The following ZNF654 variants were observed in gnomAD, a reference collection of about 807,000 sequenced individuals.
ZNF654 encodes the protein zinc finger protein 654.
In ZNF654, 19 loss-of-function variants were observed where a neutral mutation model predicts 95.3. The ratio of observed to expected loss-of-function variants is 0.20; its 90% CI spans 0.14 to 0.29. The LOEUF (loss-of-function observed/expected upper bound fraction) is 0.29. Among genes scored for constraint, ZNF654 ranks in the 10% least tolerant of loss-of-function variants. ZNF654 has a pLI of 1.00. For synonymous variants in ZNF654, 413 were observed against 457.9 expected (o/e 0.90, Z 1.25); for missense variants, 1,046 against 1,341.0 (o/e 0.78, Z 3.44).
intron 3 of ZNF654, among the ~76,000 whole-genome samples, chr3:88,124,083 A>G (rs1705938564): frequency 6.6e-6 from 1 of 152,214 alleles, no homozygotes; most frequent in African/African-American, 2.4e-5. Context: ...TTTCATGCCA[A>G]GGAAACTAGA....
intron 1 of ZNF654, among the ~76,000 whole-genome samples, chr3:88,079,144 A>G (rs1279962971): frequency 6.6e-6 from 1 of 152,058 alleles, no homozygotes; most frequent in African/African-American, 2.4e-5. Context: ...ACCTAAAGTA[A>G]CTTCAGGCTA....
chr3:88,074,319 A>G lies in ZNF654; in HGVS notation c.187-11938A>G, dbSNP rs1402459407. On this transcript the variant is annotated intron_variant, in intron 1 of 8. Coordinates refer to ENST00000636215, the MANE Select transcript of ZNF654 (RefSeq NM_001350134.2). Reference sequence around the variant, plus strand: ...TAGCCCTCTAAAGGAGAATTCTTTAACTTCCAGGCTCTTTTTATATCTTAC... The same window carrying G: ...TAGCCCTCTAAAGGAGAATTCTTTAGCTTCCAGGCTCTTTTTATATCTTAC... 2.0e-5 allele frequency among the ~76,000 whole-genome samples: 3 copies of G among 147,084 alleles called. No homozygotes were observed. The East Asian group carries it at 6.0e-4, about 29-fold the overall frequency.
chr3:88,113,594 T>A (rs1275901913), intron 3 of ZNF654, among the ~76,000 whole-genome samples: 4 of 152,102 alleles, frequency 2.6e-5, no homozygotes, highest in Non-Finnish European at 5.9e-5. Context: ...ACAGAAGATT[T>A]TTTTTTATTT....
At chr3:88,095,583 C>A (rs543927201) in intron 2 of ZNF654, 4 of 521,090 alleles carry the variant, frequency 7.7e-6, no homozygotes, top group Non-Finnish European at 1.6e-5. Flanking sequence ...TAAATTGCCA[C>A]AGGAATCTGT....
chr3:88,101,079 C>T (rs1472463143), intron 2 of ZNF654, among the ~76,000 whole-genome samples: 1 of 152,078 alleles, frequency 6.6e-6, no homozygotes, highest in African/African-American at 2.4e-5. Flanking sequence ...GCTGTATTTC[C>T]CCACTCCTTA....
At position 88,142,360 on chromosome 3, in the gene ZNF654, G is replaced by A. The variant is rs777811905; in HGVS notation, c.*708G>A. The A allele has an allele frequency of 6.6e-6, 1 of 152,080 alleles. No individual in the cohort carries two copies. The highest frequency in any genetic ancestry group is 2.1e-4 in the South Asian group (1 of 4,824). The allele number at this position is 152,080 out of a possible 1,614,324, so 9.4% of individuals were successfully genotyped here. A position where few individuals can be genotyped will look rare whatever the true frequency, so the allele number is the denominator to read the frequency against. On this transcript the variant is annotated 3_prime_UTR_variant, in exon 9 of 9. Transcript: ENST00000636215. ...GAACCTCCCACTAACCACTTTTGTG[G>A]TACAAATTAGTTAACATTTAAAGGG... is the stretch of plus-strand genomic sequence containing the variant.
In ZNF654 at chr3:88,059,642, C is replaced by T. The variant is rs1367187145; in HGVS notation, c.186+137C>T. The T allele has an allele frequency of 1.7e-5, 22 of 1,306,348 alleles. No individual in the cohort carries two copies. The East Asian group carries it at 4.8e-4, about 28-fold the overall frequency. The allele number at this position is 1,306,348 out of a possible 1,614,324, so 80.9% of individuals were successfully genotyped here. Reference sequence around the variant, plus strand: ...ACAAGGAGGGTGAGGCTGAAGCTCCCTCCTCCACTTATCCGGCTTGGGGTG... The same window carrying T: ...ACAAGGAGGGTGAGGCTGAAGCTCCTTCCTCCACTTATCCGGCTTGGGGTG... On this transcript the variant is annotated intron_variant, in intron 1 of 8. Coordinates refer to ENST00000636215, the MANE Select transcript of ZNF654 (RefSeq NM_001350134.2).
intron 1 of ZNF654, among the ~76,000 whole-genome samples, chr3:88,075,779 TC>T (rs1385109603): frequency 6.6e-6 from 1 of 152,192 alleles, no homozygotes; most frequent in Non-Finnish European, 1.5e-5. Flanking sequence ...GTTTTTTTGT[TC>T]CTTCAGTTAT....
chr3:88,129,895 T>G (rs1459012246), intron 6 of ZNF654, 69 bp downstream of exon 6: 1 of 1,291,620 alleles, frequency 7.7e-7, no homozygotes, highest in East Asian at 2.6e-5. Flanking sequence ...CAGTTTGAAC[T>G]TTGTTTTTTA....
At chr3:88,094,583 C>G (rs9310072) in intron 2 of ZNF654, among the ~76,000 whole-genome samples, 4 of 151,924 alleles carry the variant, frequency 2.6e-5, no homozygotes, top group Non-Finnish European at 5.9e-5. Flanking sequence ...TGATAGTTCT[C>G]TTGGTCAGTG....
At chr3:88,065,386 C>T (rs1707138057) in intron 1 of ZNF654, among the ~76,000 whole-genome samples, 1 of 151,966 alleles carries the variant, frequency 6.6e-6, no homozygotes, top group Non-Finnish European at 1.5e-5. Flanking sequence ...TTGAAAACTA[C>T]CTAAATGACT....
At position 88,135,150 on chromosome 3, in the gene ZNF654, C is replaced by T; in HGVS notation, c.983C>T (p.Thr328Ile). 2 of 1,491,422 alleles carry T rather than the reference C, an allele frequency of 1.3e-6. No homozygotes were observed. The highest frequency in any genetic ancestry group is 1.8e-6 in the Non-Finnish European group (2 of 1,126,260). The allele number at this position is 1,491,422 out of a possible 1,614,324, so 92.4% of individuals were successfully genotyped here. ...GATCAATGCTACCAGCTTTTAAGAA[C>T]AGCAACTAATGTGAGAGTCATATTT... Reference protein sequence around the residue: ...FVDQCYQLLRTATNVRVIFPF... With the variant: ...FVDQCYQLLRIATNVRVIFPF... Residue 328 changes from threonine to isoleucine, a missense_variant, in exon 7 of 9, where the codon ACA (threonine) becomes ATA (isoleucine). Coordinates refer to ENST00000636215, the MANE Select transcript of ZNF654 (RefSeq NM_001350134.2).
intron 1 of ZNF654, among the ~76,000 whole-genome samples, chr3:88,076,372 T>G (rs1448869869): frequency 1.3e-5 from 2 of 152,188 alleles, no homozygotes; most frequent in Non-Finnish European, 2.9e-5. Flanking sequence ...ATCTATAATT[T>G]TTTTTCCCCA....
At chr3:88,059,648 C>A in intron 1 of ZNF654, 143 bp downstream of exon 1, 1 of 1,267,992 alleles carries the variant, frequency 7.9e-7, no homozygotes, top group Non-Finnish European at 1.0e-6. Context: ...CTCCCTCCTC[C>A]ACTTATCCGG....
intron 1 of ZNF654, 143 bp from the exon 2 acceptor site, chr3:88,086,114 C>A: frequency 1.7e-6 from 1 of 598,008 alleles, no homozygotes; most frequent in Non-Finnish European, 2.8e-6. Flanking sequence ...TCAAAATAAA[C>A]AGTATAGAAG....
At chr3:88,067,993 A>G (rs1166935611) in intron 1 of ZNF654, among the ~76,000 whole-genome samples, 1 of 152,050 alleles carries the variant, frequency 6.6e-6, no homozygotes, top group South Asian at 2.1e-4. Context: ...GATTATCTAT[A>G]TTATAAGACC....
At chr3:88,130,617 AT>A (rs10674029) in intron 6 of ZNF654, among the ~76,000 whole-genome samples, 51 of 129,180 alleles carry the variant, frequency 3.9e-4, no homozygotes, top group African/African-American at 1.3e-3. Flanking sequence ...TGCCCAGCTA[AT>A]TTTTTTTTTT....
chr3:88,117,079 AC>A (rs764912096), intron 3 of ZNF654, among the ~76,000 whole-genome samples: 2 of 152,212 alleles, frequency 1.3e-5, no homozygotes, highest in Non-Finnish European at 2.9e-5. Flanking sequence ...CAAAGAAGGG[AC>A]AACCCGAAAG....
intron 4 of ZNF654, among the ~76,000 whole-genome samples, chr3:88,128,551 T>A (rs191017443): frequency 8.8e-4 from 134 of 152,220 alleles, no homozygotes; most frequent in Middle Eastern, 6.8e-3. Context: ...AATTTTTTTT[T>A]AAATTTTGTT....
Sources: gnomAD v4.1 joint callset for allele counts (sites outside exome capture counted in the v4.1 genomes callset) on GRCh38, gnomAD v4.1.1 for gene constraint, MANE v1.5 for transcripts, NCBI Gene and HGNC (gene_info 2026-07-23, HGNC 2026-07-21) for gene names.